Variants in SBF2 observed in about 807,000 individuals in gnomAD.
SBF2 encodes SET binding factor 2.
A neutral mutation model predicts 225.2 loss-of-function variants in SBF2; 112 were observed. The observed-to-expected ratio is 0.50, with a 90% confidence interval of 0.43 to 0.58. The LOEUF is 0.58. Among genes scored for constraint, SBF2 ranks in the 20% least tolerant of loss-of-function variants. The probability of loss-of-function intolerance (pLI) is 0.00; values close to 1 mark genes in which losing one functional copy is unlikely to be tolerated. For synonymous variants in SBF2, 763 were observed against 773.3 expected (o/e 0.99, Z 0.22); for missense variants, 1,996 against 2,206.2 (o/e 0.90, Z 1.91).
At chr11:10,277,553 G>A (rs1322364958) in intron 1 of SBF2, among the ~76,000 whole-genome samples, 8 of 152,110 alleles carry the variant, frequency 5.3e-5, no homozygotes, top group East Asian at 1.9e-4. Context: ...GTTGAATAGC[G>A]TTGTCCAAAA....
At chr11:10,178,354 A>T (rs1028766360) in intron 2 of SBF2, among the ~76,000 whole-genome samples, 8 of 147,258 alleles carry the variant, frequency 5.4e-5, no homozygotes, top group African/African-American at 2.0e-4. Flanking sequence ...GGACCTCATT[A>T]CACTAAAGAG....
intron 16 of SBF2, among the ~76,000 whole-genome samples, chr11:9,926,235 T>C (rs1229499619): frequency 6.6e-6 from 1 of 152,230 alleles, no homozygotes; most frequent in African/African-American, 2.4e-5. Context: ...TAGACTGTAT[T>C]TGATTTTCCT....
intron 37 of SBF2, among the ~76,000 whole-genome samples, chr11:9,784,677 T>C (rs966616179): frequency 5.9e-5 from 9 of 152,252 alleles, no homozygotes; most frequent in African/African-American, 1.7e-4. Flanking sequence ...TTGTGCCATG[T>C]TGGGACTGAC....
chr11:9,856,436 C>G, intron 19 of SBF2, 22 bp downstream of exon 19: 2 of 1,613,062 alleles, frequency 1.2e-6, no homozygotes, highest in Non-Finnish European at 1.7e-6. Context: ...GGAGGAGGGT[C>G]TGTGTGTTCA....
chr11:10,081,955 C>T (rs1448538086), intron 2 of SBF2, among the ~76,000 whole-genome samples: 1 of 151,764 alleles, frequency 6.6e-6, no homozygotes, highest in Non-Finnish European at 1.5e-5. Context: ...AAAGTTGATA[C>T]TTAGAAAATA....
chr11:9,913,194 G>C (rs1862789729), intron 16 of SBF2, among the ~76,000 whole-genome samples: 1 of 152,146 alleles, frequency 6.6e-6, no homozygotes, highest in African/African-American at 2.4e-5. Context: ...TGAGGTGGGA[G>C]GACCATTTGA....
chr11:10,108,434 G>A (rs1053343368), intron 2 of SBF2, among the ~76,000 whole-genome samples: 8 of 151,884 alleles, frequency 5.3e-5, no homozygotes, highest in Non-Finnish European at 8.8e-5. Context: ...TATAGATCCA[G>A]GGCAGTTTGG....
At chr11:9,919,848 C>T (rs1051549956) in intron 16 of SBF2, among the ~76,000 whole-genome samples, 1 of 152,148 alleles carries the variant, frequency 6.6e-6, no homozygotes, top group Non-Finnish European at 1.5e-5. Context: ...TCTCCTGCCT[C>T]AGCCTCTCAA....
intron 17 of SBF2, among the ~76,000 whole-genome samples, chr11:9,886,083 C>T (rs1401675551): frequency 1.3e-5 from 2 of 152,210 alleles, no homozygotes; most frequent in Non-Finnish European, 2.9e-5. Flanking sequence ...GAGGGGCCAA[C>T]AGAAATAATC....
At chr11:10,062,625 A>C (rs1392632345) in intron 2 of SBF2, among the ~76,000 whole-genome samples, 1 of 152,238 alleles carries the variant, frequency 6.6e-6, no homozygotes, top group Non-Finnish European at 1.5e-5. Flanking sequence ...AATGCAAATC[A>C]AAACCACAAT....
chr11:10,289,158 G>C (rs529170168), intron 1 of SBF2, among the ~76,000 whole-genome samples: 1 of 152,248 alleles, frequency 6.6e-6, no homozygotes, highest in East Asian at 1.9e-4. Flanking sequence ...ACAGCACCCT[G>C]GCTTGGCCCC....
At chr11:9,820,869 C>G (rs1035680484) in intron 28 of SBF2, among the ~76,000 whole-genome samples, 1 of 152,222 alleles carries the variant, frequency 6.6e-6, no homozygotes, top group South Asian at 2.1e-4. Flanking sequence ...GCTGCTTTTC[C>G]TTTTGTTCCT....
At chr11:10,070,164 G>C (rs560644311) in intron 2 of SBF2, among the ~76,000 whole-genome samples, 1 of 152,272 alleles carries the variant, frequency 6.6e-6, no homozygotes, top group South Asian at 2.1e-4. Context: ...AGTTTAATTA[G>C]ATCCCATTTG....
At chr11:9,812,233 C>T (rs1479478912) in intron 30 of SBF2, among the ~76,000 whole-genome samples, 1 of 152,084 alleles carries the variant, frequency 6.6e-6, no homozygotes, top group Non-Finnish European at 1.5e-5. Context: ...TAAATACATG[C>T]TGATTAAATT....
intron 1 of SBF2, among the ~76,000 whole-genome samples, chr11:10,204,414 G>C (rs1409459396): frequency 6.6e-6 from 1 of 151,998 alleles, no homozygotes; most frequent in African/African-American, 2.4e-5. Flanking sequence ...GCCAAGGCAG[G>C]CAGATCACGA....
intron 17 of SBF2, among the ~76,000 whole-genome samples, chr11:9,876,084 C>G (rs561108784): frequency 6.6e-6 from 1 of 152,188 alleles, no homozygotes; most frequent in East Asian, 1.9e-4. Context: ...AGGTATTAAA[C>G]GATCTGGTCA....
At chr11:10,170,313 G>C (rs1312732420) in intron 2 of SBF2, among the ~76,000 whole-genome samples, 1 of 152,040 alleles carries the variant, frequency 6.6e-6, no homozygotes, top group Non-Finnish European at 1.5e-5. Context: ...TTTATGGCGA[G>C]AAAGAGGGGT....
Position 9,795,921 on chromosome 11 carries a change from G to A in SBF2, c.4480C>T (p.Leu1494Phe), listed in dbSNP as rs1260114449. 6.2e-7 allele frequency: 1 copy of A among 1,613,424 alleles called. No homozygotes were observed. The highest frequency in any genetic ancestry group is 1.7e-5 in the Admixed American group (1 of 60,022). ...NQYPTEFEFN[L>F]YYLKFLAFHY... ...AAAGCCAAGAACTTTAAGTAATAGA[G>A]ATTGAATTCAAACTCAGTTGGATAC... Residue 1494 changes from leucine to phenylalanine, a missense_variant, in exon 33 of 40, where the codon CTC becomes TTC. Coordinates refer to ENST00000256190, the MANE Select transcript of SBF2 (RefSeq NM_030962.4).
At chr11:9,960,793 T>C (rs903322938) in intron 16 of SBF2, 1 of 152,208 alleles carries the variant, frequency 6.6e-6, no homozygotes, top group African/African-American at 2.4e-5. Context: ...GCCTCCTGCG[T>C]AGCTGGGATT....
Sources: allele counts gnomAD v4.1 joint callset (sites outside exome capture counted in the v4.1 genomes callset), GRCh38; gene constraint gnomAD v4.1.1; transcripts MANE v1.5; gene names NCBI Gene and HGNC (gene_info 2026-07-23, HGNC 2026-07-21).